PIK3CD: variants seen among roughly 807,000 people sequenced by gnomAD.
The protein encoded by PIK3CD is phosphatidylinositol-4,5-bisphosphate 3-kinase catalytic subunit delta, also known as phosphatidylinositol 4,5-bisphosphate 3-kinase catalytic subunit delta isoform.
PIK3CD carries 20 observed loss-of-function variants against 122.9 expected under a neutral mutation model. The ratio of observed to expected loss-of-function variants is 0.16; its 90% CI spans 0.11 to 0.24. PIK3CD has a LOEUF of 0.24. Among genes scored for constraint, PIK3CD ranks in the 10% least tolerant of loss-of-function variants. The pLI is 1.00. For synonymous variants in PIK3CD, 596 were observed against 593.4 expected (o/e 1.00, Z -0.06); for missense variants, 787 against 1,406.3 (o/e 0.56, Z 7.04).
chr1:9,634,146 GTTGT>G, the PIK3CD span, among the ~76,000 whole-genome samples: 8,517 of 116,400 alleles, frequency 0.073, 793 homozygotes, highest in East Asian at 0.44. Context: ...TAATTTTTGG[GTTGT>G]TTTTTTTTTT....
At position 9,720,747 on chromosome 1, in the gene PIK3CD, G is replaced by A. The variant is rs1648476660; in HGVS notation, c.1527G>A (p.Leu509=). Residue 509 remains leucine (L), a synonymous_variant, in exon 13 of 24, where the codon CTG becomes CTA. Coordinates refer to ENST00000377346, the MANE Select transcript of PIK3CD (RefSeq NM_005026.5). This position sits in a 1 kb window ranked among gnomAD's most constrained non-coding sequence, Gnocchi z 9.0. ...ECVHVTEEEQ[L]QLREILERRG... Reference sequence around the variant, plus strand: ...CTCCTGCCCACACCCCTCAGCAGCTGCAGCTGCGGGAAATCCTGGAGCGGC... The same window carrying A: ...CTCCTGCCCACACCCCTCAGCAGCTACAGCTGCGGGAAATCCTGGAGCGGC... 2 of 1,612,508 alleles carry A rather than the reference G, an allele frequency of 1.2e-6. No homozygotes were observed. Among genetic ancestry groups the A allele is most frequent in the South Asian group, 1.1e-5 (1 of 90,976 alleles).
At chr1:9,726,690 T>C (rs1161254191) in intron 23 of PIK3CD, among the ~76,000 whole-genome samples, 2 of 151,976 alleles carry the variant, frequency 1.3e-5, no homozygotes, top group Non-Finnish European at 2.9e-5. Context: ...ATTTCTCCAG[T>C]AGGGGAGGCG....
rs776605890 is a variant in PIK3CD, at chr1:9,717,665, T to A, written c.1020+39T>A. 4 of 1,588,564 alleles carry A rather than the reference T, an allele frequency of 2.5e-6. No individual in the cohort carries two copies. The South Asian group carries it at 4.4e-5, about 18-fold the overall frequency. On this transcript the variant is annotated intron_variant, in intron 8 of 23. Coordinates refer to ENST00000377346, the MANE Select transcript of PIK3CD (RefSeq NM_005026.5). This position sits in a 1 kb window ranked among gnomAD's most constrained non-coding sequence, Gnocchi z 5.4. ...GATAGGTGGGAGAGACACTGTTTTT[T>A]TGCACAAACAAGGTGGCTGTATCCT... is the stretch of plus-strand genomic sequence containing the variant.
Position 9,720,788 on chromosome 1 carries a change from T to C in PIK3CD, c.1568T>C (p.Leu523Pro). 1 of 1,612,566 alleles carries C rather than the reference T, an allele frequency of 6.2e-7. No homozygotes were observed. Among genetic ancestry groups the C allele is most frequent in the Non-Finnish European group, 8.5e-7 (1 of 1,179,630 alleles). The change falls in exon 13 of 24, where the codon CTG (leucine) becomes CCG (proline). Residue 523 changes from leucine to proline, a missense_variant. Coordinates refer to ENST00000377346, the MANE Select transcript of PIK3CD (RefSeq NM_005026.5). This position sits in a 1 kb window ranked among gnomAD's most constrained non-coding sequence, Gnocchi z 9.0. Reference sequence around the variant, plus strand: ...CTGGAGCGGCGGGGGTCTGGGGAGCTGTATGAGCACGAGAAGGACCTGGTG... The same window carrying C: ...CTGGAGCGGCGGGGGTCTGGGGAGCCGTATGAGCACGAGAAGGACCTGGTG... ...EILERRGSGE[L>P]YEHEKDLVWK...
rs542896638 is a variant in PIK3CD, at chr1:9,713,866, T to A, written c.142-1675T>A. The stretch of plus-strand genomic sequence containing the variant: ...TTTATTTTTATACTTTTTTTTTTTT[T>A]TTTTGAGACAGGGTCTTGCTCTGTC... On this transcript the variant is annotated intron_variant, in intron 3 of 23. Transcript: ENST00000377346. 1.9e-3 allele frequency among the ~76,000 whole-genome samples: 289 copies of A among 150,828 alleles called. 2 individuals carry two copies. Among genetic ancestry groups the A allele is most frequent in the Non-Finnish European group, 3.4e-3 (229 of 67,652 alleles).
At position 9,727,569 on chromosome 1, in the gene PIK3CD, T is replaced by G. The variant is rs958706071; in HGVS notation, c.*523T>G. On this transcript the variant is annotated 3_prime_UTR_variant, in exon 24 of 24. Coordinates refer to ENST00000377346, the MANE Select transcript of PIK3CD (RefSeq NM_005026.5). ...TGCTCTCCACTTTTCAAGTGGGTCT[T>G]GGGTACGAGAATTCCCTCATCTTTC... 1.3e-5 allele frequency: 3 copies of G among 235,522 alleles called. No individual in the cohort carries two copies. The highest frequency in any genetic ancestry group is 2.6e-5 in the Non-Finnish European group (3 of 117,070). The allele number at this position is 235,522 out of a possible 1,614,324, so 14.6% of individuals were successfully genotyped here. A position where few individuals can be genotyped will look rare whatever the true frequency, so the allele number is the denominator to read the frequency against.
chr1:9,655,700 T>C (rs1159238723), intron 1 of PIK3CD, among the ~76,000 whole-genome samples: 9 of 145,784 alleles, frequency 6.2e-5, no homozygotes, highest in Middle Eastern at 3.3e-3. Flanking sequence ...TTTTCTTCTT[T>C]TTTTTTTTTT....
At chr1:9,632,555 T>A in the PIK3CD span, among the ~76,000 whole-genome samples, 1 of 152,174 alleles carries the variant, frequency 6.6e-6, no homozygotes, top group African/African-American at 2.4e-5. Flanking sequence ...GAGGAACAGA[T>A]CAATTTAACC....
At chr1:9,634,973 T>C in the PIK3CD span, among the ~76,000 whole-genome samples, 2 of 152,258 alleles carry the variant, frequency 1.3e-5, no homozygotes, top group African/African-American at 2.4e-5. Flanking sequence ...TGAGGTCACA[T>C]TGAACTTGGG....
intron 1 of PIK3CD, chr1:9,653,405 C>G (rs1418349909): frequency 1.0e-5 from 2 of 199,804 alleles, no homozygotes; most frequent in Non-Finnish European, 2.1e-5. Context: ...AGTTAAATAA[C>G]TCACCAACCC....
At chr1:9,694,827 T>C (rs1297285866) in intron 2 of PIK3CD, among the ~76,000 whole-genome samples, 1 of 152,164 alleles carries the variant, frequency 6.6e-6, no homozygotes, top group East Asian at 1.9e-4. Context: ...CCAGGTATTG[T>C]GGCACATGCT....
rs1370723052 is a variant in PIK3CD, at chr1:9,720,967, C to T, written c.1689+58C>T. On this transcript the variant is annotated intron_variant, in intron 13 of 23. Coordinates refer to ENST00000377346, the MANE Select transcript of PIK3CD (RefSeq NM_005026.5). This position sits in a 1 kb window ranked among gnomAD's most constrained non-coding sequence, Gnocchi z 9.0. ...GGGGGCAGACCACAGCCTCTGGCTACCCACCACCCTGACCCCGGCCAACCC... is the reference window on the plus strand; with the variant it reads ...GGGGGCAGACCACAGCCTCTGGCTATCCACCACCCTGACCCCGGCCAACCC... 3.3e-5 allele frequency: 50 copies of T among 1,522,740 alleles called. No homozygotes were observed. Among genetic ancestry groups the T allele is most frequent in the Non-Finnish European group, 4.4e-5 (50 of 1,126,916 alleles). The allele number at this position is 1,522,740 out of a possible 1,614,324, so 94.3% of individuals were successfully genotyped here.
chr1:9,717,025 C>T lies in PIK3CD; in HGVS notation c.847C>T (p.Leu283Phe). 6.2e-7 allele frequency: 1 copy of T among 1,614,032 alleles called. No individual in the cohort carries two copies. Among genetic ancestry groups the T allele is most frequent in the African/African-American group, 1.3e-5 (1 of 75,064 alleles). Residue 283 changes from leucine to phenylalanine, a missense_variant, in exon 7 of 24, where the codon CTC becomes TTC. Leu to Phe is a conservative substitution (Grantham distance 22, BLOSUM62 0). Coordinates refer to ENST00000377346, the MANE Select transcript of PIK3CD (RefSeq NM_005026.5). The surrounding 1 kb of genome is among the most constrained non-coding windows in gnomAD (Gnocchi z 5.4). ...GACCATGGTCCATTCCTCCTCCATC[C>T]TCGCCATGCGGGATGAGCAGAGCAA... ...HLTMVHSSSILAMRDEQSNPA... is the reference protein window; with the variant it reads ...HLTMVHSSSIFAMRDEQSNPA...
the PIK3CD span, among the ~76,000 whole-genome samples, chr1:9,636,000 A>G: frequency 6.6e-6 from 1 of 152,256 alleles, no homozygotes; most frequent in Admixed American, 6.5e-5. Context: ...GGAAGTAAAT[A>G]AATAAATACC....
chr1:9,649,046 G>T (rs1644632966), upstream of PIK3CD, among the ~76,000 whole-genome samples: 1 of 152,068 alleles, frequency 6.6e-6, no homozygotes, highest in Non-Finnish European at 1.5e-5. Flanking sequence ...AGGTGGCAGT[G>T]AGCCAAGATC....
At chr1:9,698,228 C>T (rs960751569) in intron 2 of PIK3CD, among the ~76,000 whole-genome samples, 2 of 152,082 alleles carry the variant, frequency 1.3e-5, no homozygotes, top group Admixed American at 6.5e-5. Flanking sequence ...CTGTAACCTC[C>T]GCCTCCCAGG....
In PIK3CD at chr1:9,721,797, C is replaced by T. The variant is rs555070504; in HGVS notation, c.1992C>T (p.Phe664=). The change falls in exon 16 of 24, where the codon TTC becomes TTT. Residue 664 remains phenylalanine, a synonymous_variant. Transcript: ENST00000377346. The part of the protein sequence containing the change: ...EMHVPSVALR[F]GLILEAYCRG... ...ACGTGCCGTCGGTGGCCCTGCGCTT[C>T]GGCCTCATCCTGGAGGCCTACTGCA... The T allele has an allele frequency of 1.3e-5, 21 of 1,613,260 alleles. No individual in the cohort carries two copies. Among genetic ancestry groups the T allele is most frequent in the African/African-American group, 2.7e-5 (2 of 75,056 alleles).
chr1:9,656,481 G>T (rs1644859603), intron 1 of PIK3CD, among the ~76,000 whole-genome samples: 1 of 152,154 alleles, frequency 6.6e-6, no homozygotes, highest in Non-Finnish European at 1.5e-5. Context: ...AAACTTTGTG[G>T]CTTAAAACAG....
rs570030000 is a variant in PIK3CD, at chr1:9,727,400, G to A, written c.*354G>A. On this transcript the variant is annotated 3_prime_UTR_variant, in exon 24 of 24. Transcript: ENST00000377346. ...CCCAGGCCTCCCGCCAGACTGCCTG[G>A]GTCCTGGCGCCTGGCGGTCACCTGG... is the stretch of plus-strand genomic sequence containing the variant. 261 of 424,194 alleles carry A rather than the reference G, an allele frequency of 6.2e-4. No individual in the cohort carries two copies. The highest frequency in any genetic ancestry group is 8.3e-4 in the Non-Finnish European group (187 of 225,508). The allele number at this position is 424,194 out of a possible 1,614,324, so 26.3% of individuals were successfully genotyped here. A position where few individuals can be genotyped will look rare whatever the true frequency, so the allele number is the denominator to read the frequency against.
Sources: gnomAD v4.1 joint callset for allele counts (sites outside exome capture counted in the v4.1 genomes callset) on GRCh38, gnomAD v4.1.1 for gene constraint, Gnocchi (gnomAD v3.1) non-coding constraint, MANE v1.5 for transcripts, NCBI Gene and HGNC (gene_info 2026-07-23, HGNC 2026-07-21) for gene names.